The following SLC9A9 variants were observed in gnomAD, a reference collection of about 807,000 sequenced individuals.
The protein encoded by SLC9A9 is sodium/hydrogen exchanger 9.
SLC9A9 carries 62 observed loss-of-function variants against 77.8 expected under a neutral mutation model. That is an observed-to-expected ratio of 0.80 (90% confidence interval 0.65 to 0.98). The LOEUF (loss-of-function observed/expected upper bound fraction) is 0.98, where lower values mean the gene tolerates loss of function less well. SLC9A9 is among the 50% of genes least tolerant of loss of function. SLC9A9 has a pLI of 0.00. For synonymous variants in SLC9A9, 320 were observed against 283.5 expected (o/e 1.13, Z -1.29); for missense variants, 775 against 774.9 (o/e 1.00, Z 0.00).
intron 12 of SLC9A9, among the ~76,000 whole-genome samples, chr3:143,390,036 C>A (rs1022683967): frequency 6.6e-6 from 1 of 152,230 alleles, no homozygotes; most frequent in Non-Finnish European, 1.5e-5. Flanking sequence ...GACAGGTACT[C>A]ATATGCTTTG....
intron 11 of SLC9A9, among the ~76,000 whole-genome samples, chr3:143,482,721 G>A (rs910964016): frequency 1.3e-5 from 2 of 152,200 alleles, no homozygotes; most frequent in Non-Finnish European, 1.5e-5. Flanking sequence ...AATAAAAATT[G>A]CAGCACATAG....
intron 1 of SLC9A9, among the ~76,000 whole-genome samples, chr3:143,833,525 A>T (rs2361202): frequency 0.98 from 149,189 of 152,322 alleles, 73,070 homozygotes; most frequent in East Asian, 1. Context: ...TTTGTCCAGA[A>T]GAGCTGAATC....
At chr3:143,533,656 T>C (rs770108297) in intron 9 of SLC9A9, among the ~76,000 whole-genome samples, 3 of 152,058 alleles carry the variant, frequency 2.0e-5, no homozygotes, top group Non-Finnish European at 4.4e-5. Flanking sequence ...ATCAGAATCA[T>C]TTGGAGGTAA....
chr3:143,779,856 T>A (rs2007815854), intron 4 of SLC9A9, among the ~76,000 whole-genome samples: 1 of 152,212 alleles, frequency 6.6e-6, no homozygotes, highest in Non-Finnish European at 1.5e-5. Context: ...TGCAGTAAGG[T>A]CTTGAAGTGA....
chr3:143,266,515 TAGAG>T lies in SLC9A9; in HGVS notation c.*183_*186del, dbSNP rs1188540240. Reference sequence around the variant, plus strand: ...CAAAAAACTAAATTCATTTGCATAATAGAGAGGGATAATAAAATCTCATTTCTTC... The same window carrying T: ...CAAAAAACTAAATTCATTTGCATAATAGGGATAATAAAATCTCATTTCTTC... On this transcript the variant is annotated 3_prime_UTR_variant, in exon 16 of 16. Transcript: ENST00000316549. 15 of 657,590 alleles carry T rather than the reference TAGAG, an allele frequency of 2.3e-5. No individual in the cohort carries two copies. The highest frequency in any genetic ancestry group is 7.3e-5 in the Admixed American group (3 of 41,272). The allele number at this position is 657,590 out of a possible 1,614,324, so 40.7% of individuals were successfully genotyped here.
intron 12 of SLC9A9, among the ~76,000 whole-genome samples, chr3:143,455,588 T>C (rs533486401): frequency 6.6e-6 from 1 of 152,328 alleles, no homozygotes; most frequent in South Asian, 2.1e-4. Context: ...TCTTGGTTTC[T>C]GTTATTGGTA....
chr3:143,800,466 G>T (rs1414480639), intron 2 of SLC9A9, among the ~76,000 whole-genome samples: 1 of 152,122 alleles, frequency 6.6e-6, no homozygotes, highest in African/African-American at 2.4e-5. Flanking sequence ...CCACCCCGTG[G>T]TGCCAAACCC....
chr3:143,701,546 C>A (rs1246639876), intron 4 of SLC9A9, among the ~76,000 whole-genome samples: 1 of 151,854 alleles, frequency 6.6e-6, no homozygotes, highest in East Asian at 1.9e-4. Flanking sequence ...CTTTCAACAG[C>A]AGAATTGATC....
At chr3:143,745,243 T>C (rs1935174481) in intron 4 of SLC9A9, among the ~76,000 whole-genome samples, 1 of 152,190 alleles carries the variant, frequency 6.6e-6, no homozygotes, top group Non-Finnish European at 1.5e-5. Context: ...TCACTGAGTA[T>C]TTTTTAAAAA....
chr3:143,588,114 AG>A (rs1039296526), intron 6 of SLC9A9, among the ~76,000 whole-genome samples: 1 of 152,200 alleles, frequency 6.6e-6, no homozygotes, highest in Non-Finnish European at 1.5e-5. Flanking sequence ...GTACTATAAA[AG>A]GGTAGTGAAT....
At chr3:143,634,453 A>G (rs1200520015) in intron 6 of SLC9A9, among the ~76,000 whole-genome samples, 1 of 152,026 alleles carries the variant, frequency 6.6e-6, no homozygotes, top group Non-Finnish European at 1.5e-5. Context: ...TTTTCAGTGA[A>G]GTTCATTGTA....
At chr3:143,320,664 G>A (rs1373744551) in intron 14 of SLC9A9, among the ~76,000 whole-genome samples, 4 of 152,180 alleles carry the variant, frequency 2.6e-5, no homozygotes, top group Non-Finnish European at 4.4e-5. Flanking sequence ...AGCCATTCAT[G>A]ATCAAATCCC....
intron 2 of SLC9A9, among the ~76,000 whole-genome samples, chr3:143,830,884 A>G (rs1366985703): frequency 1.3e-5 from 2 of 152,146 alleles, no homozygotes; most frequent in African/African-American, 4.8e-5. Flanking sequence ...TCAGAAATAC[A>G]TTATCTAATT....
At chr3:143,607,598 A>T (rs1427974123) in intron 6 of SLC9A9, among the ~76,000 whole-genome samples, 1 of 152,074 alleles carries the variant, frequency 6.6e-6, no homozygotes, top group Non-Finnish European at 1.5e-5. Context: ...TATGTTAATT[A>T]TGTAGGCTAA....
At chr3:143,810,074 T>C (rs542495820) in intron 2 of SLC9A9, among the ~76,000 whole-genome samples, 48 of 152,308 alleles carry the variant, frequency 3.2e-4, no homozygotes, top group African/African-American at 1.0e-3. Context: ...ATTCAATTCT[T>C]AAAGATAAAA....
chr3:143,724,903 G>T (rs1560050133), intron 4 of SLC9A9, among the ~76,000 whole-genome samples: 1 of 152,030 alleles, frequency 6.6e-6, no homozygotes, highest in African/African-American at 2.4e-5. Flanking sequence ...TTCAGTGTCA[G>T]GTGGCTCAAA....
At chr3:143,844,496 T>C (rs1275212184) in intron 1 of SLC9A9, among the ~76,000 whole-genome samples, 1 of 152,158 alleles carries the variant, frequency 6.6e-6, no homozygotes, top group East Asian at 1.9e-4. Flanking sequence ...GGACAAGTAA[T>C]ACATTATACA....
In SLC9A9 at chr3:143,669,899, G is replaced by A. The variant is rs577142186; in HGVS notation, c.650-17539C>T. ...TTGGCATATTGTAAGTGCTTCATCA[G>A]TGGTGGTTACTGTATTGTTATTGTT... On this transcript the variant is annotated intron_variant, in intron 5 of 15. Coordinates refer to ENST00000316549, the MANE Select transcript of SLC9A9 (RefSeq NM_173653.4). 1.1e-3 allele frequency among the ~76,000 whole-genome samples: 171 copies of A among 152,308 alleles called. 1 individual carries two copies. The highest frequency in any genetic ancestry group is 1.9e-3 in the Non-Finnish European group (132 of 68,024).
chr3:143,406,357 T>A (rs753679499), intron 12 of SLC9A9, among the ~76,000 whole-genome samples: 4 of 152,124 alleles, frequency 2.6e-5, no homozygotes, highest in Non-Finnish European at 4.4e-5. Flanking sequence ...CATTATAGGA[T>A]CACTAAGATT....
Sources: gnomAD v4.1 joint callset for allele counts (sites outside exome capture counted in the v4.1 genomes callset) on GRCh38, gnomAD v4.1.1 for gene constraint, MANE v1.5 for transcripts, NCBI Gene and HGNC (gene_info 2026-07-23, HGNC 2026-07-21) for gene names.